RNF11: variants seen among roughly 807,000 people sequenced by gnomAD.
The protein encoded by RNF11 is ring finger protein 11.
A neutral mutation model predicts 15.8 loss-of-function variants in RNF11; 4 were observed. The ratio of observed to expected loss-of-function variants is 0.25; its 90% confidence interval spans 0.12 to 0.58. The LOEUF (loss-of-function observed/expected upper bound fraction) is 0.58. Ranked by LOEUF, RNF11 falls within the 20% of genes least tolerant of loss-of-function variation. RNF11 has a pLI of 0.91. For missense variants in RNF11, 139 were observed against 194.4 expected, an observed-to-expected ratio of 0.71 and a Z score of 1.70; for synonymous variants, 68 against 72.3, an observed-to-expected ratio of 0.94 and a Z score of 0.30.
At chr1:51,241,458 A>C (rs1352172625) in intron 1 of RNF11, among the ~76,000 whole-genome samples, 1 of 152,174 alleles carries the variant, frequency 6.6e-6, no homozygotes, top group Non-Finnish European at 1.5e-5. Context: ...ATCAGTTTTA[A>C]GGAATCCTAA....
chr1:51,266,803 T>G (rs558050667), intron 1 of RNF11, among the ~76,000 whole-genome samples: 204 of 152,384 alleles, frequency 1.3e-3, no homozygotes, highest in African/African-American at 4.8e-3. Context: ...AGTTCTAATA[T>G]GTATATAATG....
At chr1:51,253,623 T>G (rs546834010) in intron 1 of RNF11, among the ~76,000 whole-genome samples, 1 of 152,110 alleles carries the variant, frequency 6.6e-6, no homozygotes, top group Admixed American at 6.5e-5. Flanking sequence ...TAAAATGATC[T>G]CCATGTTCTC....
At chr1:51,256,643 C>T (rs1346433579) in intron 1 of RNF11, among the ~76,000 whole-genome samples, 1 of 152,026 alleles carries the variant, frequency 6.6e-6, no homozygotes, top group Non-Finnish European at 1.5e-5. Context: ...ATCAAACTGT[C>T]ACCCTAAGCA....
chr1:51,266,167 A>AT (rs1412114309), intron 1 of RNF11: 1 of 152,172 alleles, frequency 6.6e-6, no homozygotes. Context: ...TCCATTATGT[A>AT]TTTTTGTTCA....
At chr1:51,261,904 C>A (rs1159558829) in intron 1 of RNF11, among the ~76,000 whole-genome samples, 1 of 152,020 alleles carries the variant, frequency 6.6e-6, no homozygotes, top group Non-Finnish European at 1.5e-5. Flanking sequence ...ATGGCTCATG[C>A]CTGTAATCCC....
Position 51,236,819 on chromosome 1 carries a change from C to G in RNF11, c.63C>G (p.Ser21=). 1 of 1,613,286 alleles carries G rather than the reference C, an allele frequency of 6.2e-7. No homozygotes were observed. Among genetic ancestry groups the G allele is most frequent in the Admixed American group, 1.7e-5 (1 of 59,922 alleles). ...TCTCCCTGCTTCACGAGTCTCAGTC[C>G]GACCGGGCTAGCTTTGGCGAGGGGA... The part of the protein sequence containing the change: ...DDISLLHESQ[S]DRASFGEGTE... Residue 21 remains serine, a synonymous_variant, in exon 1 of 3, where the codon TCC becomes TCG. Transcript: ENST00000242719.
chr1:51,260,564 G>A (rs1354011786), intron 1 of RNF11, among the ~76,000 whole-genome samples: 66 of 152,190 alleles, frequency 4.3e-4, no homozygotes, highest in Admixed American at 4.0e-3. Context: ...TATTAGATAC[G>A]TTATTATACC....
In RNF11 at chr1:51,263,183, A is replaced by G. The variant is rs11205829; in HGVS notation, c.124-6773A>G. Among the ~76,000 whole-genome samples, 455 of 152,314 alleles carry G rather than the reference A, an allele frequency of 3.0e-3. 2 individuals are homozygous for G. Among genetic ancestry groups the G allele is most frequent in the African/African-American group, 9.8e-3 (407 of 41,566 alleles). On this transcript the variant is annotated intron_variant, in intron 1 of 2. Coordinates refer to ENST00000242719, the MANE Select transcript of RNF11 (RefSeq NM_014372.5). ...TTCCATTCATTGGTTTATATACCCA[A>G]TAAAATGAAAACATGTACAAAAACT...
intron 1 of RNF11, among the ~76,000 whole-genome samples, chr1:51,246,814 A>G (rs1020517590): frequency 2.2e-4 from 34 of 152,038 alleles, no homozygotes; most frequent in Admixed American, 1.7e-3. Flanking sequence ...ATGTAATACC[A>G]CTGAACTATA....
intron 1 of RNF11, among the ~76,000 whole-genome samples, chr1:51,252,088 A>G (rs1646880821): frequency 6.7e-6 from 1 of 150,284 alleles, no homozygotes; most frequent in Non-Finnish European, 1.5e-5. Context: ...AAGCAAAAAA[A>G]AAAAAAAAAA....
At chr1:51,260,596 A>G (rs1646925667) in intron 1 of RNF11, among the ~76,000 whole-genome samples, 5 of 152,234 alleles carry the variant, frequency 3.3e-5, no homozygotes, top group Admixed American at 3.3e-4. Flanking sequence ...AGAATAGTGC[A>G]TCCAGAGTCT....
At position 51,236,335 on chromosome 1, in the gene RNF11, C is replaced by A. The variant is rs1476268536; in HGVS notation, c.-422C>A. 1 of 154,344 alleles carries A rather than the reference C, an allele frequency of 6.5e-6. No individual in the cohort carries two copies. Among genetic ancestry groups the A allele is most frequent in the Non-Finnish European group, 1.4e-5 (1 of 69,524 alleles). The allele number at this position is 154,344 out of a possible 1,614,324, so 9.6% of individuals were successfully genotyped here. On this transcript the variant is annotated 5_prime_UTR_variant, in exon 1 of 3. Coordinates refer to ENST00000242719, the MANE Select transcript of RNF11 (RefSeq NM_014372.5). Reference sequence around the variant, plus strand: ...CGCTGAGGCGGAGTAGGATGAGGCCCGCGGCCGTGGCTCCGGCGTCGGCGG... The same window carrying A: ...CGCTGAGGCGGAGTAGGATGAGGCCAGCGGCCGTGGCTCCGGCGTCGGCGG...
chr1:51,237,782 T>C (rs888847861), intron 1 of RNF11, among the ~76,000 whole-genome samples: 6 of 152,182 alleles, frequency 3.9e-5, no homozygotes, highest in African/African-American at 1.2e-4. Context: ...CCATTTTAGA[T>C]GATATTGAAT....
intron 1 of RNF11, chr1:51,251,424 A>G (rs1200793836): frequency 2.6e-6 from 3 of 1,146,184 alleles, no homozygotes; most frequent in Non-Finnish European, 3.8e-6. Context: ...GCAGTTCCCC[A>G]TCCCAGGGCC....
In RNF11 at chr1:51,272,760, C is replaced by T. The variant is rs1307619626; in HGVS notation, c.*1438C>T. On this transcript the variant is annotated 3_prime_UTR_variant, in exon 3 of 3. Transcript: ENST00000242719. ...TAGCAAAAGGAAAAGTGGTCTCAAC[C>T]TAACATCAGAAGTGTTTCTTATTAT... The T allele has an allele frequency of 4.6e-5, 7 of 152,124 alleles. No individual in the cohort carries two copies. The highest frequency in any genetic ancestry group is 1.3e-4 in the Admixed American group (2 of 15,268). The allele number at this position is 152,124 out of a possible 1,614,324, so 9.4% of individuals were successfully genotyped here. A position where few individuals can be genotyped will look rare whatever the true frequency, so the allele number is the denominator to read the frequency against.
At chr1:51,251,395 A>T (rs1646877522) in intron 1 of RNF11, 1 of 1,396,796 alleles carries the variant, frequency 7.2e-7, no homozygotes, top group Non-Finnish European at 9.8e-7. Context: ...CCACTGCCGA[A>T]ACCTCCGCGG....
chr1:51,236,607 CGGCGGCACCGTGGGGCGGTGGAGTCGCCT>C lies in RNF11; in HGVS notation c.-149_-121del. Reference sequence around the variant, plus strand: ...CCGGGGGCTGGCATGAGCGGCCCCTCGGCGGCACCGTGGGGCGGTGGAGTCGCCTCCGCCTGATCCCCGGCCTGTCGCCC... The same window carrying C: ...CCGGGGGCTGGCATGAGCGGCCCCTCCCGCCTGATCCCCGGCCTGTCGCCC... On this transcript the variant is annotated 5_prime_UTR_variant, in exon 1 of 3. The change abolishes the stop of an existing upstream ORF in the 5' untranslated region. Coordinates refer to ENST00000242719, the MANE Select transcript of RNF11 (RefSeq NM_014372.5). 2 of 1,027,122 alleles carry C rather than the reference CGGCGGCACCGTGGGGCGGTGGAGTCGCCT, an allele frequency of 1.9e-6. No homozygotes were observed. The highest frequency in any genetic ancestry group is 2.8e-6 in the Non-Finnish European group (2 of 713,232). The allele number at this position is 1,027,122 out of a possible 1,614,324, so 63.6% of individuals were successfully genotyped here.
At chr1:51,247,636 C>T (rs1308479266) in intron 1 of RNF11, among the ~76,000 whole-genome samples, 1 of 152,028 alleles carries the variant, frequency 6.6e-6, no homozygotes, top group Non-Finnish European at 1.5e-5. Context: ...TGTATTTTAT[C>T]CTCTTGGAGA....
chr1:51,262,390 C>G (rs560539296), intron 1 of RNF11, among the ~76,000 whole-genome samples: 1 of 152,174 alleles, frequency 6.6e-6, no homozygotes, highest in Non-Finnish European at 1.5e-5. Flanking sequence ...GATATAGGAG[C>G]AAATGCTCAT....
Sources: gnomAD v4.1 joint callset for allele counts (sites outside exome capture counted in the v4.1 genomes callset) on GRCh38, gnomAD v4.1.1 for gene constraint, MANE v1.5 for transcripts, NCBI Gene and HGNC (gene_info 2026-07-23, HGNC 2026-07-21) for gene names.